TMEM135: variants seen among roughly 807,000 people sequenced by gnomAD.
The protein encoded by TMEM135 is peroxisomal membrane protein 52.
Under a neutral mutation model 60.3 loss-of-function variants are expected in TMEM135, and 30 were observed. The observed-to-expected ratio is 0.50, with a 90% CI of 0.37 to 0.68. TMEM135 has a LOEUF of 0.68. Among genes scored for constraint, TMEM135 ranks in the 30% least tolerant of loss-of-function variants. The pLI, the probability that TMEM135 is intolerant of heterozygous loss-of-function variation, is 0.00. For synonymous variants in TMEM135, 190 were observed against 186.7 expected (o/e 1.02, Z -0.14); for missense variants, 468 against 548.8 (o/e 0.85, Z 1.47).
intron 5 of TMEM135, among the ~76,000 whole-genome samples, chr11:87,171,656 G>T (rs1939240205): frequency 6.6e-6 from 1 of 152,126 alleles, no homozygotes; most frequent in Admixed American, 6.5e-5. Flanking sequence ...CTGATTAGAT[G>T]ATCTTTAAGG....
intron 6 of TMEM135, among the ~76,000 whole-genome samples, chr11:87,252,378 A>C (rs1288723492): frequency 6.6e-6 from 1 of 152,146 alleles, no homozygotes; most frequent in African/African-American, 2.4e-5. Context: ...CATGTGTTTT[A>C]AGTGAAAGAG....
At position 87,199,399 on chromosome 11, in the gene TMEM135, C is replaced by T. The variant is rs573925416; in HGVS notation, c.463-37239C>T. On this transcript the variant is annotated intron_variant, in intron 5 of 14. Transcript: ENST00000305494. ...CTGCAAGATTAATTGTGTGAGGAAG[C>T]TGTAAACATAGAAAACTATGGCCTC... 4.6e-5 allele frequency among the ~76,000 whole-genome samples: 7 copies of T among 152,268 alleles called. No homozygotes were observed. The East Asian group carries it at 1.4e-3, about 29-fold the overall frequency.
chr11:87,237,565 T>A (rs1054409185), intron 6 of TMEM135, among the ~76,000 whole-genome samples: 7 of 151,978 alleles, frequency 4.6e-5, no homozygotes, highest in South Asian at 2.1e-4. Context: ...CCAGAATTTT[T>A]AAAAAAATTT....
At chr11:87,079,243 T>C (rs1377613338) in intron 3 of TMEM135, among the ~76,000 whole-genome samples, 1 of 152,130 alleles carries the variant, frequency 6.6e-6, no homozygotes, top group Non-Finnish European at 1.5e-5. Flanking sequence ...CGACCTCAGG[T>C]GATCCACCTG....
At chr11:87,280,329 G>C (rs1942037987) in intron 6 of TMEM135, among the ~76,000 whole-genome samples, 1 of 152,146 alleles carries the variant, frequency 6.6e-6, no homozygotes, top group Admixed American at 6.5e-5. Context: ...ACATAGGTCT[G>C]GTTATGTCAT....
chr11:87,118,531 C>A (rs1857954664), intron 4 of TMEM135, among the ~76,000 whole-genome samples: 1 of 151,960 alleles, frequency 6.6e-6, no homozygotes, highest in African/African-American at 2.4e-5. Context: ...TCACTGCAAC[C>A]TCCACCTCCC....
chr11:87,100,609 C>T (rs1041379863), intron 4 of TMEM135, among the ~76,000 whole-genome samples: 6 of 152,082 alleles, frequency 3.9e-5, no homozygotes, highest in Admixed American at 2.6e-4. Context: ...AAGTAAAAGT[C>T]ATCTGTATTT....
chr11:87,312,630 G>T (rs567662977), intron 10 of TMEM135, among the ~76,000 whole-genome samples: 1 of 151,828 alleles, frequency 6.6e-6, no homozygotes, highest in East Asian at 1.9e-4. Context: ...GTGTGGCTGC[G>T]TTTCAATAAA....
chr11:87,134,226 A>G (rs749128833), intron 4 of TMEM135, among the ~76,000 whole-genome samples: 1 of 152,034 alleles, frequency 6.6e-6, no homozygotes, highest in Non-Finnish European at 1.5e-5. Flanking sequence ...GTGCCTTCAT[A>G]TGGCTTTTCT....
At chr11:87,297,278 A>G (rs1942363251) in intron 7 of TMEM135, among the ~76,000 whole-genome samples, 1 of 152,194 alleles carries the variant, frequency 6.6e-6, no homozygotes, top group Non-Finnish European at 1.5e-5. Flanking sequence ...AGAAGGTGCT[A>G]TTAACAGAAA....
At chr11:87,196,821 G>A (rs1474849786) in intron 5 of TMEM135, among the ~76,000 whole-genome samples, 1 of 152,096 alleles carries the variant, frequency 6.6e-6, no homozygotes, top group African/African-American at 2.4e-5. Context: ...CACTGTGTAT[G>A]TTTAGTGGCT....
intron 4 of TMEM135, among the ~76,000 whole-genome samples, chr11:87,118,637 A>T (rs9666468): frequency 0.12 from 18,251 of 151,914 alleles, 1,400 homozygotes; most frequent in African/African-American, 0.21. Context: ...TTTAGTACAG[A>T]TGGGGTTTCA....
chr11:87,074,971 G>A (rs911121397), intron 3 of TMEM135, among the ~76,000 whole-genome samples: 1 of 151,656 alleles, frequency 6.6e-6, no homozygotes, highest in Non-Finnish European at 1.5e-5. Flanking sequence ...ATAGGGTCTT[G>A]CTTTGTCACC....
chr11:87,137,359 T>G (rs1245917070), intron 4 of TMEM135, among the ~76,000 whole-genome samples: 1 of 151,946 alleles, frequency 6.6e-6, no homozygotes, highest in Non-Finnish European at 1.5e-5. Flanking sequence ...ATTATCTAAA[T>G]GAAATCAGCT....
intron 6 of TMEM135, among the ~76,000 whole-genome samples, chr11:87,274,786 C>CTGTG (rs10655114): frequency 0.053 from 6,831 of 129,200 alleles, 308 homozygotes; most frequent in African/African-American, 0.11. Flanking sequence ...CATAGCAAGA[C>CTGTG]TGTGTGTGTG....
chr11:87,297,136 A>G (rs950821174), intron 7 of TMEM135, among the ~76,000 whole-genome samples: 5 of 152,224 alleles, frequency 3.3e-5, no homozygotes, highest in African/African-American at 7.2e-5. Context: ...TTTGGGTGAT[A>G]GTGGGAGGAT....
At position 87,222,884 on chromosome 11, in the gene TMEM135, T is replaced by C. The variant is rs148586886; in HGVS notation, c.463-13754T>C. 4.4e-3 allele frequency among the ~76,000 whole-genome samples: 668 copies of C among 152,320 alleles called. 8 individuals are homozygous for C. The highest frequency in any genetic ancestry group is 0.015 in the African/African-American group (635 of 41,578). Reference sequence around the variant, plus strand: ...CTCTCTAATCTATAAACTGTTAAAATACTTTTGTAAGTATTTTGCAAAACT... The same window carrying C: ...CTCTCTAATCTATAAACTGTTAAAACACTTTTGTAAGTATTTTGCAAAACT... On this transcript the variant is annotated intron_variant, in intron 5 of 14. Transcript: ENST00000305494.
chr11:87,054,396 T>C (rs1304888175), intron 1 of TMEM135, among the ~76,000 whole-genome samples: 1 of 151,918 alleles, frequency 6.6e-6, no homozygotes, highest in Non-Finnish European at 1.5e-5. Context: ...ATTGCGCCAC[T>C]GGACTCCAGC....
intron 4 of TMEM135, among the ~76,000 whole-genome samples, chr11:87,116,937 C>G (rs1214015605): frequency 6.6e-6 from 1 of 151,938 alleles, no homozygotes; most frequent in Non-Finnish European, 1.5e-5. Flanking sequence ...ATTCTCCTGC[C>G]TCAGCCTCCT....
Sources: gnomAD v4.1 joint callset for allele counts (sites outside exome capture counted in the v4.1 genomes callset) on GRCh38, gnomAD v4.1.1 for gene constraint, MANE v1.5 for transcripts, NCBI Gene and HGNC (gene_info 2026-07-23, HGNC 2026-07-21) for gene names.